Variants in TNS3 observed in about 807,000 individuals in gnomAD.
The protein encoded by TNS3 is tensin-3.
In TNS3, 45 loss-of-function variants were observed where a neutral mutation model predicts 140.9. That is an observed-to-expected ratio of 0.32 (90% CI 0.25 to 0.41). The LOEUF (loss-of-function observed/expected upper bound fraction) is 0.41, where lower values mean the gene tolerates loss of function less well. Ranked by LOEUF, TNS3 falls within the 10% of genes least tolerant of loss-of-function variation. The pLI is 1.00. For missense variants in TNS3, 1,716 were observed against 1,906.7 expected (o/e 0.90, Z 1.86); for synonymous variants, 815 against 788.4 (o/e 1.03, Z -0.56).
chr7:47,545,056 G>T (rs554181773), intron 1 of TNS3, among the ~76,000 whole-genome samples: 41 of 152,034 alleles, frequency 2.7e-4, no homozygotes, highest in South Asian at 1.5e-3. Flanking sequence ...CCTCCAGGGG[G>T]GTAAAGAAAA....
chr7:47,477,687 C>T (rs913798819), intron 4 of TNS3, among the ~76,000 whole-genome samples: 1 of 152,162 alleles, frequency 6.6e-6, no homozygotes, highest in Non-Finnish European at 1.5e-5. Context: ...CAGGTGACAT[C>T]GGGGATGTCA....
At chr7:47,443,317 G>C (rs997331343) in intron 4 of TNS3, among the ~76,000 whole-genome samples, 1 of 152,158 alleles carries the variant, frequency 6.6e-6, no homozygotes, top group African/African-American at 2.4e-5. Context: ...CACTGCCCGT[G>C]CTGGGCAGAC....
intron 27 of TNS3, among the ~76,000 whole-genome samples, chr7:47,288,552 G>A (rs1785537200): frequency 6.6e-6 from 1 of 152,212 alleles, no homozygotes; most frequent in South Asian, 2.1e-4. Flanking sequence ...TCATCAGATA[G>A]GTCTACAGTA....
chr7:47,496,949 C>G (rs1056866526), intron 3 of TNS3, among the ~76,000 whole-genome samples: 3 of 152,110 alleles, frequency 2.0e-5, no homozygotes, highest in Non-Finnish European at 4.4e-5. Flanking sequence ...CAGAGCTGGC[C>G]AGAACCAAGG....
chr7:47,350,834 A>C (rs1451277291), intron 17 of TNS3, among the ~76,000 whole-genome samples: 1 of 152,250 alleles, frequency 6.6e-6, no homozygotes, highest in East Asian at 1.9e-4. Flanking sequence ...TGGGCTGTTC[A>C]TGTTGTCATT....
chr7:47,564,431 T>G (rs560854933), intron 1 of TNS3, among the ~76,000 whole-genome samples: 1 of 150,204 alleles, frequency 6.7e-6, no homozygotes, highest in African/African-American at 2.4e-5. Flanking sequence ...AGGCCAGGAG[T>G]TCAAGACCAG....
rs144518172 is a variant in TNS3, at chr7:47,329,093, C to T, written c.2650+15662G>A. Reference sequence around the variant, plus strand: ...TCTCCCTCAGTCAAGTCAAAGTGCTCTGTTCCCGTGACCCGAAATCTGACT... The same window carrying T: ...TCTCCCTCAGTCAAGTCAAAGTGCTTTGTTCCCGTGACCCGAAATCTGACT... On this transcript the variant is annotated intron_variant, in intron 20 of 30. Coordinates refer to ENST00000311160, the MANE Select transcript of TNS3 (RefSeq NM_022748.12). Among the ~76,000 whole-genome samples, 44 of 152,322 alleles carry T rather than the reference C, an allele frequency of 2.9e-4. No individual in the cohort carries two copies. The East Asian group carries it at 7.1e-3, about 25-fold the overall frequency.
intron 27 of TNS3, among the ~76,000 whole-genome samples, chr7:47,289,301 C>T (rs1785576773): frequency 6.6e-6 from 1 of 152,140 alleles, no homozygotes. Flanking sequence ...CTCAGAAATT[C>T]CCTCCCCAAC....
intron 13 of TNS3, among the ~76,000 whole-genome samples, chr7:47,411,228 C>T (rs969756543): frequency 2.0e-4 from 30 of 152,210 alleles, no homozygotes; most frequent in African/African-American, 6.0e-4. Flanking sequence ...AGATTTGTTC[C>T]GTCCCTTTAA....
chr7:47,531,352 A>G (rs1314569633), intron 1 of TNS3, among the ~76,000 whole-genome samples: 1 of 152,234 alleles, frequency 6.6e-6, no homozygotes, highest in Non-Finnish European at 1.5e-5. Context: ...CTTCAAAATA[A>G]AAGTGAACCA....
chr7:47,288,298 C>T (rs143963978), intron 27 of TNS3, among the ~76,000 whole-genome samples: 1 of 152,280 alleles, frequency 6.6e-6, no homozygotes, highest in Non-Finnish European at 1.5e-5. Flanking sequence ...CACCCACACG[C>T]CCTGTGGGTG....
At position 47,477,907 on chromosome 7, in the gene TNS3, G is replaced by C. The variant is rs181142716; in HGVS notation, c.-76+3196C>G. Among the ~76,000 whole-genome samples the C allele has an allele frequency of 1.6e-3, 246 of 152,366 alleles. 1 individual carries two copies. The highest frequency in any genetic ancestry group is 5.6e-3 in the African/African-American group (232 of 41,592). On this transcript the variant is annotated intron_variant, in intron 4 of 30. Coordinates refer to ENST00000311160, the MANE Select transcript of TNS3 (RefSeq NM_022748.12). ...GGCCACCCAGCAGGGAGGCAGAAGA[G>C]TGCTCAGGCTGGGCTGGGCTGCCAC...
In TNS3 at chr7:47,307,907, T is replaced by A. The variant is rs187545090; in HGVS notation, c.2651-2904A>T. ...CTTCTGAGTCTGTTGCCTGTGCATA[T>A]ATTCACTTAAGAATCTTTTGAAGAA... On this transcript the variant is annotated intron_variant, in intron 20 of 30. Coordinates refer to ENST00000311160, the MANE Select transcript of TNS3 (RefSeq NM_022748.12). Among the ~76,000 whole-genome samples the A allele has an allele frequency of 1.9e-3, 283 of 152,346 alleles. 1 individual carries two copies. Among genetic ancestry groups the A allele is most frequent in the African/African-American group, 6.6e-3 (273 of 41,580 alleles).
chr7:47,573,916 G>A (rs908593815), intron 1 of TNS3, among the ~76,000 whole-genome samples: 3 of 152,196 alleles, frequency 2.0e-5, no homozygotes, highest in African/African-American at 7.2e-5. Context: ...CACATTCTTA[G>A]AGGGTAAAAA....
At position 47,368,531 on chromosome 7, in the gene TNS3, C is replaced by T; in HGVS notation, c.2115G>A (p.Leu705=). 1 of 1,586,886 alleles carries T rather than the reference C, an allele frequency of 6.3e-7. No individual in the cohort carries two copies. Among genetic ancestry groups the T allele is most frequent in the Non-Finnish European group, 8.6e-7 (1 of 1,161,880 alleles). The change falls in exon 17 of 31, where the codon CTG becomes CTA. Residue 705 remains leucine, a synonymous_variant. Transcript: ENST00000311160. ...IDQSIEQLNR[L]ILELDPTFEP... is the part of the protein sequence containing the mutation. ...CGAAGGTGGGATCCAGCTCCAGGAT[C>T]AGCCTGTTGAGCTGCTCGATGGACT... is the stretch of plus-strand genomic sequence containing the variant.
intron 24 of TNS3, among the ~76,000 whole-genome samples, chr7:47,296,528 T>C (rs1481446999): frequency 6.6e-6 from 1 of 152,182 alleles, no homozygotes; most frequent in Non-Finnish European, 1.5e-5. Context: ...TTGCCATGAT[T>C]TTTAATGCAA....
At chr7:47,564,321 G>C (rs1345905337) in intron 1 of TNS3, among the ~76,000 whole-genome samples, 1 of 151,460 alleles carries the variant, frequency 6.6e-6, no homozygotes, top group Non-Finnish European at 1.5e-5. Context: ...TCCGAATTCT[G>C]CTCCAAGCTG....
At chr7:47,439,955 A>C (rs1034775948) in intron 5 of TNS3, among the ~76,000 whole-genome samples, 1 of 152,134 alleles carries the variant, frequency 6.6e-6, no homozygotes, top group Non-Finnish European at 1.5e-5. Context: ...GCATGGGCTC[A>C]AATGCAAAAG....
intron 2 of TNS3, among the ~76,000 whole-genome samples, chr7:47,514,670 A>G (rs1798721280): frequency 6.6e-6 from 1 of 151,910 alleles, no homozygotes; most frequent in Non-Finnish European, 1.5e-5. Flanking sequence ...ATTCTGTGCC[A>G]TCCTGTCTCA....
Sources: allele counts gnomAD v4.1 joint callset (sites outside exome capture counted in the v4.1 genomes callset), GRCh38; gene constraint gnomAD v4.1.1; transcripts MANE v1.5; gene names NCBI Gene and HGNC (gene_info 2026-07-23, HGNC 2026-07-21).